The following ZNF266 variants were observed in gnomAD, a reference collection of about 807,000 sequenced individuals.
The protein encoded by ZNF266 is zinc finger protein 266.
A neutral mutation model predicts 16.4 loss-of-function variants in ZNF266; 16 were observed. That is an observed-to-expected ratio of 0.98 (90% confidence interval 0.66 to 1.48). ZNF266 has a LOEUF of 1.48. Among genes scored for constraint, ZNF266 ranks in the 40% most tolerant of loss-of-function variants. The pLI is 0.00. For missense variants in ZNF266, 738 were observed against 689.1 expected (o/e 1.07, Z -0.79); for synonymous variants, 262 against 237.9 (o/e 1.10, Z -0.93).
At position 9,425,003 on chromosome 19, in the gene ZNF266, C is replaced by G. The variant is rs150735604; in HGVS notation, c.-129-4785G>C. ...TTTATTTATCTCAGCTCCAATACCCCCATCGTCTTTGTCTTAGTTAAAACT... is the reference window on the plus strand; with the variant it reads ...TTTATTTATCTCAGCTCCAATACCCGCATCGTCTTTGTCTTAGTTAAAACT... On this transcript the variant is annotated intron_variant, in intron 5 of 10. Coordinates refer to ENST00000592904, the MANE Select transcript of ZNF266 (RefSeq NM_001370374.1). Among the ~76,000 whole-genome samples, 258 of 152,228 alleles carry G rather than the reference C, an allele frequency of 1.7e-3. 6 individuals are homozygous for G. In the East Asian group the frequency reaches 0.022, roughly 13 times the overall value.
intron 5 of ZNF266, among the ~76,000 whole-genome samples, chr19:9,426,540 GA>G (rs898371650): frequency 0.022 from 3,077 of 139,002 alleles, 111 homozygotes; most frequent in African/African-American, 0.076. Flanking sequence ...ACAAGTTCAA[GA>G]AAAAAAAAAA....
At chr19:9,417,182 C>T (rs960409819) in intron 9 of ZNF266, among the ~76,000 whole-genome samples, 6 of 150,034 alleles carry the variant, frequency 4.0e-5, no homozygotes, top group African/African-American at 1.5e-4. Context: ...ACCAGCGTGG[C>T]CAATGTGGTG....
At chr19:9,429,508 G>A (rs1271070910) in intron 5 of ZNF266, among the ~76,000 whole-genome samples, 2 of 151,888 alleles carry the variant, frequency 1.3e-5, no homozygotes, top group Admixed American at 6.6e-5. Context: ...ATACCCCAGT[G>A]ACATCCTAGA....
chr19:9,416,758 G>A (rs1439452612), intron 9 of ZNF266, among the ~76,000 whole-genome samples: 4 of 129,254 alleles, frequency 3.1e-5, no homozygotes, highest in African/African-American at 9.1e-5. Flanking sequence ...TGCAACCTTC[G>A]GCCCCTGGGT....
intron 5 of ZNF266, among the ~76,000 whole-genome samples, chr19:9,421,070 AAATT>A (rs1344970524): frequency 6.6e-6 from 1 of 152,234 alleles, no homozygotes; most frequent in African/African-American, 2.4e-5. Context: ...AATTTAATAA[AAATT>A]AATCACAATC....
At chr19:9,435,008 A>G (rs1311282991) in intron 2 of ZNF266, 100 bp downstream of exon 2, 1 of 152,218 alleles carries the variant, frequency 6.6e-6, no homozygotes, top group Non-Finnish European at 1.5e-5. Context: ...CTGAATGTAG[A>G]GTGTCAAAAG....
chr19:9,428,859 T>C (rs1018776349), intron 5 of ZNF266, among the ~76,000 whole-genome samples: 2 of 152,178 alleles, frequency 1.3e-5, no homozygotes. Flanking sequence ...GTTACAGACA[T>C]TATTAGTAAC....
intron 9 of ZNF266, among the ~76,000 whole-genome samples, 166 bp downstream of exon 9, chr19:9,417,662 C>T (rs771772523): frequency 1.8e-4 from 27 of 151,916 alleles, no homozygotes; most frequent in Non-Finnish European, 2.6e-4. Flanking sequence ...GCAGGAGAAT[C>T]GCTTGCACCT....
intron 9 of ZNF266, 112 bp from the exon 10 acceptor site, chr19:9,415,854 C>CAAGAAA: frequency 3.6e-6 from 3 of 836,520 alleles, no homozygotes; most frequent in Non-Finnish European, 5.5e-6. Context: ...GACGGTGTCT[C>CAAGAAA]ACTCTGTTGC....
intron 9 of ZNF266, among the ~76,000 whole-genome samples, chr19:9,416,489 G>A (rs868245385): frequency 2.2e-5 from 3 of 133,644 alleles, no homozygotes; most frequent in African/African-American, 8.5e-5. Flanking sequence ...TCAGCCTCCC[G>A]AGTAGCTGGG....
At chr19:9,428,383 C>A (rs764298070) in intron 5 of ZNF266, among the ~76,000 whole-genome samples, 1 of 152,182 alleles carries the variant, frequency 6.6e-6, no homozygotes, top group Non-Finnish European at 1.5e-5. Context: ...CTGATGCCAG[C>A]GTGCTGAAGG....
chr19:9,413,552 T>A lies in ZNF266; in HGVS notation c.1574A>T (p.His525Leu). ...ACACGTGAATGGTTTTTTGGCGCTG[T>A]GGGTCCGCATGTGATTATTAAGACT... is the stretch of plus-strand genomic sequence containing the variant. Reference protein sequence around the residue: ...SSSLNNHMRTHSAKKPFTCME... With the variant: ...SSSLNNHMRTLSAKKPFTCME... The change falls in exon 11 of 11, where the codon CAC becomes CTC. Residue 525 changes from histidine (H) to leucine (L), a missense_variant. Physicochemically the swap from His to Leu is moderately conservative, Grantham distance 99. Transcript: ENST00000592904. 6.2e-7 allele frequency: 1 copy of A among 1,614,218 alleles called. No homozygotes were observed. The highest frequency in any genetic ancestry group is 8.5e-7 in the Non-Finnish European group (1 of 1,180,036).
rs564207385 is a variant in ZNF266, at chr19:9,418,714, G to T, written c.109-83C>A. 7 of 705,242 alleles carry T rather than the reference G, an allele frequency of 9.9e-6. No individual in the cohort carries two copies. The African/African-American group carries it at 1.2e-4, about 12-fold the overall frequency. 43.7% of individuals were successfully genotyped at this position (705,242 alleles called of 1,614,324 possible). A position where few individuals can be genotyped will look rare whatever the true frequency, so the allele number is the denominator to read the frequency against. On this transcript the variant is annotated intron_variant, in intron 7 of 10. Coordinates refer to ENST00000592904, the MANE Select transcript of ZNF266 (RefSeq NM_001370374.1). ...GCAAAATGCAATACCTACAGAGTCT[G>T]AGGGCTCACATTGCCCACCCCAGGA...
chr19:9,420,617 G>A (rs757951294), intron 5 of ZNF266: 1 of 152,134 alleles, frequency 6.6e-6, no homozygotes, highest in Non-Finnish European at 1.5e-5. Flanking sequence ...AGCTGGGCAT[G>A]GTAGTGCATG....
At chr19:9,415,129 T>C (rs2068782442) in intron 10 of ZNF266, among the ~76,000 whole-genome samples, 1 of 152,178 alleles carries the variant, frequency 6.6e-6, no homozygotes, top group South Asian at 2.1e-4. Context: ...ACCCTGTCTC[T>C]ACTAAAAGTA....
Position 9,418,532 on chromosome 19 carries a change from C to A in ZNF266, c.208G>T (p.Glu70Ter). Residue 70 changes from glutamate to a stop codon, truncating the protein, a stop_gained, in exon 8 of 11, where the codon GAG (glutamate) becomes TAG (stop). Transcript: ENST00000592904. LOFTEE classifies it high-confidence loss of function. ...QRNLYRDVML[E>*]NYKNLATVGY... ...ACTGTGGCCAAATTCTTGTAGTTCT[C>A]CAGCATCACATCTCTGTAGAGGTTT... The A allele has an allele frequency of 6.2e-7, 1 of 1,614,164 alleles. No individual in the cohort carries two copies. The highest frequency in any genetic ancestry group is 1.1e-5 in the South Asian group (1 of 91,086).
At chr19:9,433,426 G>A (rs895590533) in intron 5 of ZNF266, among the ~76,000 whole-genome samples, 3 of 152,016 alleles carry the variant, frequency 2.0e-5, no homozygotes, top group Non-Finnish European at 4.4e-5. Context: ...AATTTAGGTA[G>A]GAGAAGGAAC....
rs574610374 is a variant in ZNF266 at position 9,435,537 on chromosome 19, G to C, written c.-811C>G. ...CCCAAACGCCACCAGGAAGAAAACGGGTTTGGCGGCGCGGAGAAAGCGCCG... is the reference window on the plus strand; with the variant it reads ...CCCAAACGCCACCAGGAAGAAAACGCGTTTGGCGGCGCGGAGAAAGCGCCG... On this transcript the variant is annotated 5_prime_UTR_variant, in exon 1 of 11. Transcript: ENST00000592904. The C allele has an allele frequency of 5.3e-5, 8 of 152,328 alleles. No individual in the cohort carries two copies. Among genetic ancestry groups the C allele is most frequent in the Non-Finnish European group, 1.2e-4 (8 of 68,054 alleles). The allele number at this position is 152,328 out of a possible 1,614,324, so 9.4% of individuals were successfully genotyped here. A position where few individuals can be genotyped will look rare whatever the true frequency, so the allele number is the denominator to read the frequency against.
chr19:9,433,364 G>A (rs1260081308), intron 5 of ZNF266, among the ~76,000 whole-genome samples: 1 of 152,054 alleles, frequency 6.6e-6, no homozygotes, highest in Non-Finnish European at 1.5e-5. Context: ...GTGTCTATAA[G>A]GAGTCACGCA....
Sources: gnomAD v4.1 joint callset for allele counts (sites outside exome capture counted in the v4.1 genomes callset) on GRCh38, gnomAD v4.1.1 for gene constraint, MANE v1.5 for transcripts, NCBI Gene and HGNC (gene_info 2026-07-23, HGNC 2026-07-21) for gene names.